PITPNA: variants seen among roughly 807,000 people sequenced by gnomAD.
PITPNA encodes the protein phosphatidylinositol transfer protein alpha isoform.
PITPNA carries 13 observed loss-of-function variants against 50.3 expected under a neutral mutation model. The observed-to-expected ratio is 0.26, with a 90% CI of 0.17 to 0.41. The LOEUF is 0.41. Among genes scored for constraint, PITPNA ranks in the 10% least tolerant of loss-of-function variants. The pLI, the probability that PITPNA is intolerant of heterozygous loss-of-function variation, is 1.00. For synonymous variants in PITPNA, 120 were observed against 119.6 expected, an observed-to-expected ratio of 1.00 and a Z score of -0.02; for missense variants, 207 against 333.4, an observed-to-expected ratio of 0.62 and a Z score of 2.95.
In PITPNA at chr17:1,562,537, T is replaced by C. The variant is rs1206416953; in HGVS notation, c.20+4A>G. On this transcript the variant is annotated splice_donor_region_variant and intron_variant, in intron 1 of 11. Transcript: ENST00000313486. This position sits in a 1 kb window ranked among gnomAD's most constrained non-coding sequence, Gnocchi z 6.4. The stretch of plus-strand genomic sequence containing the variant: ...CCGCTTCCGCACGGCCGCCGGACAC[T>C]CACTACTCCTTGAGCAGCACCATGT... 2.1e-6 allele frequency: 3 copies of C among 1,408,114 alleles called. No individual in the cohort carries two copies. Among genetic ancestry groups the C allele is most frequent in the South Asian group, 1.4e-5 (1 of 70,270 alleles). The allele number at this position is 1,408,114 out of a possible 1,614,324, so 87.2% of individuals were successfully genotyped here. A position where few individuals can be genotyped will look rare whatever the true frequency, so the allele number is the denominator to read the frequency against.
At chr17:1,523,746 C>T (rs562476071) in intron 10 of PITPNA, among the ~76,000 whole-genome samples, 4 of 152,068 alleles carry the variant, frequency 2.6e-5, no homozygotes, top group South Asian at 2.1e-4. Context: ...CCTAACCTCA[C>T]GATCTGCCTG....
At chr17:1,522,751 C>G (rs1271101431) in intron 10 of PITPNA, among the ~76,000 whole-genome samples, 3 of 152,232 alleles carry the variant, frequency 2.0e-5, no homozygotes, top group Non-Finnish European at 2.9e-5. Context: ...GACCAGTTCT[C>G]TCCTCAAGGA....
At position 1,549,680 on chromosome 17, in the gene PITPNA, T is replaced by C. The variant is rs2075698202; in HGVS notation, c.198-1293A>G. On this transcript the variant is annotated intron_variant, in intron 3 of 11. Coordinates refer to ENST00000313486, the MANE Select transcript of PITPNA (RefSeq NM_006224.4). ...TATATTCCTTTTCCTTTTTTTTGTTTGTTTTTGTTTTTTGAGATGGAGCCT... is the reference window on the plus strand; with the variant it reads ...TATATTCCTTTTCCTTTTTTTTGTTCGTTTTTGTTTTTTGAGATGGAGCCT... 2.8e-5 allele frequency among the ~76,000 whole-genome samples: 4 copies of C among 143,676 alleles called. 1 individual carries two copies. The highest frequency in any genetic ancestry group is 6.0e-5 in the Non-Finnish European group (4 of 67,152). The allele number at this position is 143,676 out of a possible 152,430, so 94.3% of individuals were successfully genotyped here. A position where few individuals can be genotyped will look rare whatever the true frequency, so the allele number is the denominator to read the frequency against.
intron 10 of PITPNA, among the ~76,000 whole-genome samples, chr17:1,524,752 G>C (rs1475517731): frequency 6.6e-6 from 1 of 151,850 alleles, no homozygotes. Flanking sequence ...GGGAGGCTGA[G>C]GCAGGAGAAT....
intron 10 of PITPNA, among the ~76,000 whole-genome samples, chr17:1,523,662 C>A (rs1351289909): frequency 3.3e-5 from 5 of 150,450 alleles, no homozygotes; most frequent in Non-Finnish European, 7.4e-5. Flanking sequence ...CACACGCCAC[C>A]ATGCCTGGCT....
At chr17:1,536,582 C>T (rs1173835546) in intron 7 of PITPNA, among the ~76,000 whole-genome samples, 1 of 148,322 alleles carries the variant, frequency 6.7e-6, no homozygotes, top group Non-Finnish European at 1.5e-5. Context: ...AGCCACCGCG[C>T]CCTGCCTTAT....
intron 6 of PITPNA, among the ~76,000 whole-genome samples, chr17:1,541,356 C>T (rs1418485158): frequency 2.0e-5 from 3 of 152,092 alleles, no homozygotes; most frequent in East Asian, 1.9e-4. Context: ...CCAAGCAGTA[C>T]GAGAAGGCCC....
chr17:1,542,750 G>C (rs1442065499), intron 5 of PITPNA, among the ~76,000 whole-genome samples: 2 of 152,202 alleles, frequency 1.3e-5, no homozygotes, highest in Non-Finnish European at 2.9e-5. Flanking sequence ...GAAAAGGTGT[G>C]ACCTGGGGAG....
chr17:1,539,052 G>T, intron 6 of PITPNA, 100 bp from the exon 7 acceptor site: 3 of 683,176 alleles, frequency 4.4e-6, no homozygotes, highest in Middle Eastern at 2.7e-4. Flanking sequence ...CATAGCCACA[G>T]ATGTAAGATT....
chr17:1,549,514 C>T (rs11078486), intron 3 of PITPNA, among the ~76,000 whole-genome samples: 8,970 of 128,540 alleles, frequency 0.07, 750 homozygotes, highest in East Asian at 0.26. Flanking sequence ...GACAGGGTTT[C>T]GCCATGTTAG....
At chr17:1,540,119 A>C (rs2075640807) in intron 6 of PITPNA, among the ~76,000 whole-genome samples, 1 of 152,168 alleles carries the variant, frequency 6.6e-6, no homozygotes, top group Non-Finnish European at 1.5e-5. Flanking sequence ...CACCATTTCC[A>C]TGTGTTCCCG....
intron 1 of PITPNA, among the ~76,000 whole-genome samples, chr17:1,561,872 G>A (rs550615443): frequency 1.3e-5 from 2 of 152,204 alleles, no homozygotes; most frequent in South Asian, 4.2e-4. Flanking sequence ...CCATCGCGGA[G>A]CCTCTGACCC....
At chr17:1,541,907 C>A (rs1175406395) in intron 5 of PITPNA, 9 of 556,544 alleles carry the variant, frequency 1.6e-5, no homozygotes, top group Non-Finnish European at 2.8e-5. Context: ...TAACCAAAGT[C>A]ACAGAGATCG....
intron 4 of PITPNA, among the ~76,000 whole-genome samples, chr17:1,545,949 C>T (rs990652840): frequency 7.0e-5 from 8 of 113,494 alleles, no homozygotes; most frequent in South Asian, 2.9e-4. Flanking sequence ...TTTTAATAAA[C>T]GGAGTTTTGC....
intron 4 of PITPNA, among the ~76,000 whole-genome samples, chr17:1,546,804 A>C (rs945494792): frequency 4.6e-5 from 7 of 152,184 alleles, no homozygotes; most frequent in African/African-American, 1.7e-4. Context: ...GAAATTTAAG[A>C]ATGTCTGGAC....
At chr17:1,544,582 C>T (rs942581243) in intron 4 of PITPNA, among the ~76,000 whole-genome samples, 10 of 152,162 alleles carry the variant, frequency 6.6e-5, no homozygotes, top group Non-Finnish European at 4.4e-5. Context: ...ACAGAAAAGC[C>T]GCAGGAAATC....
chr17:1,558,731 G>A (rs2075752183), intron 1 of PITPNA, among the ~76,000 whole-genome samples, 172 bp from the exon 2 acceptor site: 1 of 144,318 alleles, frequency 6.9e-6, no homozygotes, highest in African/African-American at 2.6e-5. Context: ...AGGACCCTCT[G>A]TGCCCTAGAG....
intron 11 of PITPNA, among the ~76,000 whole-genome samples, chr17:1,521,126 T>C (rs2151000637): frequency 6.6e-6 from 1 of 152,124 alleles, no homozygotes; most frequent in East Asian, 1.9e-4. Context: ...ATCGGGGGTA[T>C]AAAGAAGGAA....
intron 4 of PITPNA, among the ~76,000 whole-genome samples, chr17:1,546,296 A>G (rs2075673856): frequency 6.6e-6 from 1 of 152,030 alleles, no homozygotes; most frequent in African/African-American, 2.4e-5. Flanking sequence ...GTGCTTAAGG[A>G]GTAGGGAGGG....
Sources: gnomAD v4.1 joint callset for allele counts (sites outside exome capture counted in the v4.1 genomes callset) on GRCh38, gnomAD v4.1.1 for gene constraint, Gnocchi (gnomAD v3.1) non-coding constraint, MANE v1.5 for transcripts, NCBI Gene and HGNC (gene_info 2026-07-23, HGNC 2026-07-21) for gene names.